Variants in GPC5 observed in about 807,000 individuals in gnomAD.
The protein encoded by GPC5 is glypican 5, also known as glypican-5.
A neutral mutation model predicts 53.9 loss-of-function variants in GPC5; 47 were observed. The observed-to-expected ratio is 0.87, with a 90% confidence interval of 0.69 to 1.11. GPC5 has a LOEUF of 1.11. GPC5 is among the 50% of genes most tolerant of loss of function. GPC5 has a pLI of 0.00. For synonymous variants in GPC5, 286 were observed against 263.3 expected, an observed-to-expected ratio of 1.09 and a Z score of -0.84; for missense variants, 748 against 713.1, an observed-to-expected ratio of 1.05 and a Z score of -0.56.
At chr13:91,410,279 A>T (rs1320813846) in intron 1 of GPC5, among the ~76,000 whole-genome samples, 14 of 152,152 alleles carry the variant, frequency 9.2e-5, no homozygotes, top group African/African-American at 3.4e-4. Context: ...ATACATTTAA[A>T]TAATTATTTG....
intron 3 of GPC5, among the ~76,000 whole-genome samples, chr13:91,713,116 G>A (rs1159737084): frequency 2.6e-5 from 4 of 152,244 alleles, no homozygotes; most frequent in South Asian, 2.1e-4. Flanking sequence ...GCTTGAACCC[G>A]GGAGGCGGAG....
At chr13:91,607,448 G>C (rs183279167) in intron 2 of GPC5, among the ~76,000 whole-genome samples, 126 of 152,240 alleles carry the variant, frequency 8.3e-4, no homozygotes, top group African/African-American at 2.9e-3. Flanking sequence ...TATCAAAAGG[G>C]AACATGATGG....
chr13:91,415,085 C>A (rs1040003999), intron 1 of GPC5, among the ~76,000 whole-genome samples: 1 of 152,164 alleles, frequency 6.6e-6, no homozygotes. Context: ...CTGGAGATAA[C>A]CCACCATGGG....
intron 7 of GPC5, among the ~76,000 whole-genome samples, chr13:92,805,454 T>A (rs1877059270): frequency 6.6e-6 from 1 of 151,998 alleles, no homozygotes; most frequent in African/African-American, 2.4e-5. Flanking sequence ...TTAATTTTTT[T>A]GAGAAAGTGT....
At chr13:92,751,260 T>C (rs1365370703) in intron 7 of GPC5, among the ~76,000 whole-genome samples, 1 of 98,146 alleles carries the variant, frequency 1.0e-5, no homozygotes, top group Non-Finnish European at 1.9e-5. Flanking sequence ...GGTACCTACG[T>C]AAGAACAGTT....
At chr13:92,081,703 T>A (rs1367525196) in intron 6 of GPC5, among the ~76,000 whole-genome samples, 1 of 152,278 alleles carries the variant, frequency 6.6e-6, no homozygotes, top group East Asian at 1.9e-4. Context: ...TTCCCTTTGT[T>A]CCATATACCA....
intron 6 of GPC5, among the ~76,000 whole-genome samples, chr13:91,998,402 C>G (rs1199225282): frequency 1.3e-5 from 2 of 152,004 alleles, no homozygotes; most frequent in Admixed American, 6.6e-5. Flanking sequence ...ATACACACAC[C>G]CTGTTAGAAT....
intron 7 of GPC5, among the ~76,000 whole-genome samples, chr13:92,268,412 A>G (rs1437749844): frequency 6.6e-6 from 1 of 151,952 alleles, no homozygotes; most frequent in Non-Finnish European, 1.5e-5. Context: ...AAAATAGGAT[A>G]GTATCATACA....
intron 2 of GPC5, among the ~76,000 whole-genome samples, chr13:91,489,224 C>G (rs2139246431): frequency 6.6e-6 from 1 of 152,266 alleles, no homozygotes; most frequent in African/African-American, 2.4e-5. Flanking sequence ...TGACTCACAC[C>G]CTATTCGTAC....
intron 7 of GPC5, among the ~76,000 whole-genome samples, chr13:92,840,338 A>G (rs1269129177): frequency 2.0e-5 from 3 of 151,788 alleles, no homozygotes; most frequent in African/African-American, 7.3e-5. Context: ...TAGTGCTGCT[A>G]TGAACATGGT....
At chr13:92,802,363 C>T (rs1313439439) in intron 7 of GPC5, among the ~76,000 whole-genome samples, 4 of 151,774 alleles carry the variant, frequency 2.6e-5, no homozygotes, top group African/African-American at 9.7e-5. Flanking sequence ...CCTATTCCCA[C>T]CACTAAGCAA....
intron 6 of GPC5, among the ~76,000 whole-genome samples, chr13:91,971,573 G>C (rs2040242617): frequency 6.6e-6 from 1 of 152,098 alleles, no homozygotes; most frequent in East Asian, 1.9e-4. Flanking sequence ...GTCAATTTTG[G>C]ATCTTTCCTG....
chr13:92,469,178 G>A (rs890522444), intron 7 of GPC5, among the ~76,000 whole-genome samples: 1 of 151,852 alleles, frequency 6.6e-6, no homozygotes, highest in Non-Finnish European at 1.5e-5. Flanking sequence ...CATCCAAGTA[G>A]GTTATCTTAA....
At chr13:92,570,722 C>A (rs1351738740) in intron 7 of GPC5, among the ~76,000 whole-genome samples, 2 of 151,996 alleles carry the variant, frequency 1.3e-5, no homozygotes, top group Non-Finnish European at 2.9e-5. Flanking sequence ...CACAGCAGAA[C>A]CTACCAAATA....
At chr13:91,747,595 T>C (rs1334868831) in intron 4 of GPC5, among the ~76,000 whole-genome samples, 3 of 152,118 alleles carry the variant, frequency 2.0e-5, no homozygotes, top group African/African-American at 7.2e-5. Context: ...TGTCTGAACA[T>C]ATTGCATTCT....
chr13:91,746,233 C>G (rs1461681954), intron 4 of GPC5, among the ~76,000 whole-genome samples: 1 of 152,160 alleles, frequency 6.6e-6, no homozygotes, highest in Non-Finnish European at 1.5e-5. Context: ...AGGCCATTAA[C>G]TAGCAAACTG....
intron 6 of GPC5, among the ~76,000 whole-genome samples, chr13:92,111,702 A>T (rs1353543288): frequency 6.6e-6 from 1 of 152,214 alleles, no homozygotes; most frequent in Non-Finnish European, 1.5e-5. Context: ...CTTTTCCAAA[A>T]AAAAGGTGAT....
At chr13:91,460,298 CTTT>C (rs773703323) in intron 2 of GPC5, among the ~76,000 whole-genome samples, 2 of 143,120 alleles carry the variant, frequency 1.4e-5, no homozygotes, top group Non-Finnish European at 1.5e-5. Context: ...TCTTTGTTGT[CTTT>C]TTTTTTTTTG....
At chr13:92,121,665 C>T (rs984020063) in intron 6 of GPC5, among the ~76,000 whole-genome samples, 1 of 152,150 alleles carries the variant, frequency 6.6e-6, no homozygotes, top group Non-Finnish European at 1.5e-5. Context: ...ATTGTGTGTA[C>T]TCAGAGTGGA....
Sources: allele counts gnomAD v4.1 joint callset (sites outside exome capture counted in the v4.1 genomes callset), GRCh38; gene constraint gnomAD v4.1.1; transcripts MANE v1.5; gene names NCBI Gene and HGNC (gene_info 2026-07-23, HGNC 2026-07-21).